MICAL3: variants seen among roughly 807,000 people sequenced by gnomAD.
The protein encoded by MICAL3 is [F-actin]-monooxygenase MICAL3.
MICAL3 carries 62 observed loss-of-function variants against 207.4 expected under a neutral mutation model. The ratio of observed to expected loss-of-function variants is 0.30; its 90% CI spans 0.24 to 0.37. The LOEUF is 0.37. MICAL3 is among the 10% of genes least tolerant of loss of function. The pLI is 1.00. For missense variants in MICAL3, 2,368 were observed against 2,635.6 expected (o/e 0.90, Z 2.22); for synonymous variants, 1,077 against 1,069.3 (o/e 1.01, Z -0.14).
At chr22:17,957,264 A>T (rs1193732776) in intron 1 of MICAL3, among the ~76,000 whole-genome samples, 1 of 152,196 alleles carries the variant, frequency 6.6e-6, no homozygotes, top group African/African-American at 2.4e-5. Flanking sequence ...AAGGAACGAG[A>T]CAAAATCCTG....
At chr22:17,959,825 G>A (rs1241364563) in intron 1 of MICAL3, among the ~76,000 whole-genome samples, 1 of 149,780 alleles carries the variant, frequency 6.7e-6, no homozygotes, top group South Asian at 2.1e-4. Flanking sequence ...ATAAAGGGGG[G>A]AAAAACATGG....
At chr22:17,797,709 C>T (rs1248172149) in intron 29 of MICAL3, among the ~76,000 whole-genome samples, 1 of 152,234 alleles carries the variant, frequency 6.6e-6, no homozygotes, top group East Asian at 1.9e-4. Context: ...ATACATGAAT[C>T]ATGGCCTGTG....
At chr22:17,838,878 C>T (rs1299257618) in intron 20 of MICAL3, among the ~76,000 whole-genome samples, 1 of 151,538 alleles carries the variant, frequency 6.6e-6, no homozygotes, top group African/African-American at 2.4e-5. Flanking sequence ...CAGAGAAAAA[C>T]ACCACGCACT....
At position 17,790,518 on chromosome 22, in the gene MICAL3, C is replaced by T; in HGVS notation, c.*214G>A. ...CCTCTGAGTGGGAGGTCCAGGTGGGCCTCCTCCCAGGAGGTGGAGCCGTCT... is the reference window on the plus strand; with the variant it reads ...CCTCTGAGTGGGAGGTCCAGGTGGGTCTCCTCCCAGGAGGTGGAGCCGTCT... On this transcript the variant is annotated 3_prime_UTR_variant, in exon 32 of 32. Coordinates refer to ENST00000441493, the MANE Select transcript of MICAL3 (RefSeq NM_015241.3). 1.7e-6 allele frequency: 1 copy of T among 578,782 alleles called. No individual in the cohort carries two copies. Among genetic ancestry groups the T allele is most frequent in the Non-Finnish European group, 3.1e-6 (1 of 325,570 alleles). 35.9% of individuals were successfully genotyped at this position (578,782 alleles called of 1,614,324 possible).
intron 1 of MICAL3, among the ~76,000 whole-genome samples, chr22:18,021,014 C>A (rs1924440000): frequency 6.6e-6 from 1 of 151,952 alleles, no homozygotes; most frequent in Non-Finnish European, 1.5e-5. Flanking sequence ...AGTCACAATC[C>A]ACAGTTTAAA....
intron 19 of MICAL3, among the ~76,000 whole-genome samples, chr22:17,850,400 GTTTTTTTTTTTTTTTT>G (rs565667574): frequency 8.1e-5 from 6 of 74,422 alleles, no homozygotes; most frequent in East Asian, 4.4e-4. Context: ...TTTTGAATTA[GTTTTTTTTTTTTTTTT>G]TTTTTTTTTT....
chr22:17,825,476 GC>G (rs1922076625), intron 22 of MICAL3, among the ~76,000 whole-genome samples: 2 of 144,692 alleles, frequency 1.4e-5, no homozygotes, highest in South Asian at 4.2e-4. Context: ...GGAGGCTCTT[GC>G]CCCACCGCCC....
chr22:17,888,776 C>T (rs551494487), intron 13 of MICAL3, among the ~76,000 whole-genome samples: 6 of 152,078 alleles, frequency 3.9e-5, no homozygotes, highest in South Asian at 4.2e-4. Context: ...GTGGTGGTCA[C>T]GGAAAAAGAC....
chr22:17,822,305 A>G (rs1921731647), intron 23 of MICAL3, 135 bp from the exon 24 acceptor site: 2 of 1,177,480 alleles, frequency 1.7e-6, no homozygotes, highest in Non-Finnish European at 2.3e-6. Flanking sequence ...CTTCTTACGC[A>G]GGGACAGACC....
chr22:17,950,390 C>T (rs183387121), intron 1 of MICAL3, among the ~76,000 whole-genome samples: 24 of 130,824 alleles, frequency 1.8e-4, no homozygotes, highest in African/African-American at 5.8e-4. Flanking sequence ...GTTGCCCAGG[C>T]TGGAGCGCAA....
chr22:17,901,787 G>T, intron 5 of MICAL3, 91 bp downstream of exon 5: 1 of 913,396 alleles, frequency 1.1e-6, no homozygotes, highest in Non-Finnish European at 1.7e-6. Context: ...TCAAAAGGGT[G>T]GACGCTGGTC....
chr22:17,897,155 G>C (rs1471812295), intron 7 of MICAL3, among the ~76,000 whole-genome samples, 174 bp from the exon 8 acceptor site: 1 of 152,022 alleles, frequency 6.6e-6, no homozygotes, highest in Non-Finnish European at 1.5e-5. Flanking sequence ...AGGCACAATG[G>C]CCCACACCTG....
At chr22:17,810,675 G>A (rs1002156912) in intron 28 of MICAL3, 28 bp downstream of exon 28, 1 of 1,567,730 alleles carries the variant, frequency 6.4e-7, no homozygotes, top group African/African-American at 1.3e-5. Context: ...CCATGCATGT[G>A]CCCTGGTCCC....
Position 17,818,017 on chromosome 22 carries a change from G to A in MICAL3, c.4644C>T (p.Ser1548=). 1 of 1,612,448 alleles carries A rather than the reference G, an allele frequency of 6.2e-7. No individual in the cohort carries two copies. Among genetic ancestry groups the A allele is most frequent in the Non-Finnish European group, 8.5e-7 (1 of 1,179,772 alleles). The stretch of plus-strand genomic sequence containing the variant: ...GAGGCTTCTCGGGGCGCGGCCAGCA[G>A]GACGGGGGCGTGAAGAATTTCTCCT... ...SLQEKFFTPP[S]CWPRPEKPRH... is the part of the protein sequence containing the mutation. Residue 1548 remains serine, a synonymous_variant, in exon 26 of 32, where the codon TCC becomes TCT. Transcript: ENST00000441493.
chr22:18,023,934 G>A (rs972406470), intron 1 of MICAL3, among the ~76,000 whole-genome samples: 1 of 152,240 alleles, frequency 6.6e-6, no homozygotes, highest in Non-Finnish European at 1.5e-5. Flanking sequence ...GCCTGGGTAC[G>A]CTCTTCCTTT....
chr22:17,918,338 G>A (rs5747416), intron 1 of MICAL3, among the ~76,000 whole-genome samples: 95,544 of 151,912 alleles, frequency 0.63, 30,427 homozygotes, highest in South Asian at 0.7. Flanking sequence ...GTAAAATTAA[G>A]ACTGAGACAA....
At chr22:17,966,011 G>A (rs998670518) in intron 1 of MICAL3, among the ~76,000 whole-genome samples, 5 of 152,128 alleles carry the variant, frequency 3.3e-5, no homozygotes, top group African/African-American at 1.2e-4. Context: ...TGGGCCACAG[G>A]GCACACAGGC....
At chr22:17,845,862 T>G (rs1924580710) in intron 19 of MICAL3, among the ~76,000 whole-genome samples, 1 of 152,232 alleles carries the variant, frequency 6.6e-6, no homozygotes, top group Non-Finnish European at 1.5e-5. Flanking sequence ...GAAAGCTTCT[T>G]GGAGCAGAGA....
chr22:17,956,421 C>G lies in MICAL3; in HGVS notation c.-74-49535G>C, dbSNP rs368459115. Among the ~76,000 whole-genome samples, 14 of 152,296 alleles carry G rather than the reference C, an allele frequency of 9.2e-5. 1 individual carries two copies. The East Asian group carries it at 1.7e-3, about 19-fold the overall frequency. On this transcript the variant is annotated intron_variant, in intron 1 of 31. Transcript: ENST00000441493. ...GGGCATGGTGGCTCACGGCTATAAT[C>G]CCCGCACTTTGGGAGGCCGAGGCGG...
Sources: allele counts gnomAD v4.1 joint callset (sites outside exome capture counted in the v4.1 genomes callset), GRCh38; gene constraint gnomAD v4.1.1; transcripts MANE v1.5; gene names NCBI Gene and HGNC (gene_info 2026-07-23, HGNC 2026-07-21).